The following GPATCH3 variants were observed in gnomAD, a reference collection of about 807,000 sequenced individuals.
The protein encoded by GPATCH3 is G-patch domain containing 3.
In GPATCH3, 45 loss-of-function variants were observed where a neutral mutation model predicts 53.2. That is an observed-to-expected ratio of 0.85 (90% CI 0.67 to 1.08). GPATCH3 has a LOEUF of 1.08. Ranked by LOEUF, GPATCH3 falls within the 50% of genes least tolerant of loss-of-function variation. The pLI is 0.00. For synonymous variants in GPATCH3, 280 were observed against 270.6 expected (o/e 1.03, Z -0.34); for missense variants, 680 against 687.2 (o/e 0.99, Z 0.12).
chr1:26,895,577 A>G (rs2124023754), intron 2 of GPATCH3, among the ~76,000 whole-genome samples: 1 of 145,912 alleles, frequency 6.9e-6, no homozygotes, highest in East Asian at 2.1e-4. Flanking sequence ...AGAAGAGGAG[A>G]GGGGAAGTCA....
At chr1:26,897,756 C>A (rs754919292) in intron 1 of GPATCH3, 31 bp from the exon 2 acceptor site, 1 of 1,541,524 alleles carries the variant, frequency 6.5e-7, no homozygotes, top group Non-Finnish European at 8.7e-7. Flanking sequence ...GATCTTGAAA[C>A]CCAGAAGCCT....
At position 26,893,457 on chromosome 1, in the gene GPATCH3, A is replaced by G; in HGVS notation, c.1052-9T>C. 2 of 1,608,840 alleles carry G rather than the reference A, an allele frequency of 1.2e-6. No homozygotes were observed. Among genetic ancestry groups the G allele is most frequent in the Non-Finnish European group, 1.7e-6 (2 of 1,175,828 alleles). On this transcript the variant is annotated splice_polypyrimidine_tract_variant and intron_variant, in intron 3 of 6. Transcript: ENST00000361720. ...TGTCTGTTCATCAAAATCTGTAGGG[A>G]CAGAAAAGCATCCAACAGAGTACAT...
intron 1 of GPATCH3, 73 bp from the exon 2 acceptor site, chr1:26,897,798 G>A (rs2081958061): frequency 3.3e-6 from 4 of 1,220,442 alleles, no homozygotes; most frequent in Non-Finnish European, 4.5e-6. Context: ...ATTGGCCAAT[G>A]TTTAAATCTG....
intron 3 of GPATCH3, among the ~76,000 whole-genome samples, chr1:26,893,950 C>T (rs892823221): frequency 2.0e-5 from 3 of 151,720 alleles, no homozygotes; most frequent in African/African-American, 7.3e-5. Context: ...TTAAGTAGTT[C>T]GGACTACAGG....
In GPATCH3 at chr1:26,890,804, C is replaced by T. The variant is rs1347390051; in HGVS notation, c.*206G>A. 3.9e-6 allele frequency: 3 copies of T among 768,110 alleles called. No homozygotes were observed. Among genetic ancestry groups the T allele is most frequent in the Non-Finnish European group, 2.4e-6 (1 of 411,794 alleles). 47.6% of individuals were successfully genotyped at this position (768,110 alleles called of 1,614,324 possible). Reference sequence around the variant, plus strand: ...GACCAAAGACAAGCGGTCGTTACCCCTAATATCCAAGGGGAGGGGACGGGA... The same window carrying T: ...GACCAAAGACAAGCGGTCGTTACCCTTAATATCCAAGGGGAGGGGACGGGA... On this transcript the variant is annotated 3_prime_UTR_variant, in exon 7 of 7. Coordinates refer to ENST00000361720, the MANE Select transcript of GPATCH3 (RefSeq NM_022078.3).
chr1:26,892,701 C>T lies in GPATCH3; in HGVS notation c.1202G>A (p.Arg401His), dbSNP rs139878104. Reference sequence around the variant, plus strand: ...GTGGCGCTCAAAGGTGCCCACCTGGCGTTCGATCACAGAGCCATCTTCCTG... The same window carrying T: ...GTGGCGCTCAAAGGTGCCCACCTGGTGTTCGATCACAGAGCCATCTTCCTG... ...DGQEDGSVIE[R>H]QVGTFERHTK... Residue 401 changes from arginine to histidine, a missense_variant, in exon 5 of 7, where the codon CGC (arginine) becomes CAC (histidine). Coordinates refer to ENST00000361720, the MANE Select transcript of GPATCH3 (RefSeq NM_022078.3). 2.3e-3 allele frequency: 3,708 copies of T among 1,614,130 alleles called. 39 individuals are homozygous for T. Among genetic ancestry groups the T allele is most frequent in the Non-Finnish European group, 1.3e-3 (1,487 of 1,180,014 alleles).
chr1:26,891,322 T>C, intron 6 of GPATCH3, 96 bp from the exon 7 acceptor site: 3 of 923,444 alleles, frequency 3.2e-6, no homozygotes, highest in Non-Finnish European at 4.9e-6. Flanking sequence ...ATATCTGGTT[T>C]GTCCAAAGAC....
At chr1:26,899,965 C>G in intron 1 of GPATCH3, 27 bp downstream of exon 1, 2 of 1,605,954 alleles carry the variant, frequency 1.2e-6, no homozygotes, top group Non-Finnish European at 1.7e-6. Flanking sequence ...GCCCGTAGGC[C>G]CAGTCTATTA....
Position 26,897,396 on chromosome 1 carries a change from G to T in GPATCH3, c.781C>A (p.Gln261Lys), listed in dbSNP as rs770738440. 3 of 1,614,016 alleles carry T rather than the reference G, an allele frequency of 1.9e-6. No homozygotes were observed. In the African/African-American group the frequency reaches 4.0e-5, roughly 22 times the overall value. Residue 261 changes from glutamine to lysine, a missense_variant, in exon 2 of 7, where the codon CAA becomes AAA. Physicochemically the swap from Gln to Lys is moderately conservative, Grantham distance 53. Transcript: ENST00000361720. ...VYTAEGEEIP[Q>K]GTYLADIPAS... ...GGTATATCTGCCAGGTAGGTTCCTT[G>T]GGGTATTTCTTCACCCTCTGCTGTA...
At position 26,893,459 on chromosome 1, in the gene GPATCH3, A is replaced by G. The variant is rs1204986856; in HGVS notation, c.1052-11T>C. 1.2e-6 allele frequency: 2 copies of G among 1,609,168 alleles called. No homozygotes were observed. Among genetic ancestry groups the G allele is most frequent in the South Asian group, 2.2e-5 (2 of 91,000 alleles). On this transcript the variant is annotated splice_polypyrimidine_tract_variant and intron_variant, in intron 3 of 6. Coordinates refer to ENST00000361720, the MANE Select transcript of GPATCH3 (RefSeq NM_022078.3). ...TCTGTTCATCAAAATCTGTAGGGAC[A>G]GAAAAGCATCCAACAGAGTACATTA...
At position 26,890,996 on chromosome 1, in the gene GPATCH3, A is replaced by C. The variant is rs1375520345; in HGVS notation, c.*14T>G. 6.2e-7 allele frequency: 1 copy of C among 1,610,792 alleles called. No homozygotes were observed. The highest frequency in any genetic ancestry group is 1.3e-5 in the African/African-American group (1 of 74,870). On this transcript the variant is annotated 3_prime_UTR_variant, in exon 7 of 7. Transcript: ENST00000361720. ...TTTTCATCATGTAGCTATGAAAGGA[A>C]GCCCCCAACCCGGTCAGTCAGGCAA...
In GPATCH3 at chr1:26,900,162, G is replaced by C. The variant is rs1257830055; in HGVS notation, c.281C>G (p.Ser94Cys). The C allele has an allele frequency of 2.5e-6, 4 of 1,614,078 alleles. No individual in the cohort carries two copies. The highest frequency in any genetic ancestry group is 2.7e-5 in the African/African-American group (2 of 74,932). The stretch of plus-strand genomic sequence containing the variant: ...GCAGGTGCGGGTCTGGATTGGAGTA[G>C]AGTCTCGAGTGGAGAGAGGCCGGAC... ...TDVRPLSTRD[S>C]TPIQTRTCCC... is the part of the protein sequence containing the mutation. Residue 94 changes from serine (S) to cysteine (C), a missense_variant, in exon 1 of 7, where the codon TCT becomes TGT. Transcript: ENST00000361720.
chr1:26,891,280 G>T, intron 6 of GPATCH3, 54 bp from the exon 7 acceptor site: 2 of 1,426,962 alleles, frequency 1.4e-6, no homozygotes, highest in Admixed American at 3.6e-5. Context: ...CCAGTTAAAG[G>T]GGTTGGGAGA....
Position 26,890,672 on chromosome 1 carries a change from G to T in GPATCH3, c.*338C>A. ...CCTTTCCCCCTTTCTGGCCTTCGTGGGGACACCTTCAGAGTCCCCAAGGAA... is the reference window on the plus strand; with the variant it reads ...CCTTTCCCCCTTTCTGGCCTTCGTGTGGACACCTTCAGAGTCCCCAAGGAA... On this transcript the variant is annotated 3_prime_UTR_variant, in exon 7 of 7. Coordinates refer to ENST00000361720, the MANE Select transcript of GPATCH3 (RefSeq NM_022078.3). The T allele has an allele frequency of 2.2e-6, 1 of 454,954 alleles. No individual in the cohort carries two copies. Among genetic ancestry groups the T allele is most frequent in the Admixed American group, 3.2e-5 (1 of 31,290 alleles). 28.2% of individuals were successfully genotyped at this position (454,954 alleles called of 1,614,324 possible). A position where few individuals can be genotyped will look rare whatever the true frequency, so the allele number is the denominator to read the frequency against.
Sources: gnomAD v4.1 joint callset for allele counts (sites outside exome capture counted in the v4.1 genomes callset) on GRCh38, gnomAD v4.1.1 for gene constraint, MANE v1.5 for transcripts, NCBI Gene and HGNC (gene_info 2026-07-23, HGNC 2026-07-21) for gene names.